TENM3: variants seen among roughly 807,000 people sequenced by gnomAD.
TENM3 encodes the protein teneurin-3.
A neutral mutation model predicts 255.1 loss-of-function variants in TENM3; 63 were observed. The ratio of observed to expected loss-of-function variants is 0.25; its 90% CI spans 0.20 to 0.30. The LOEUF is 0.30. TENM3 is among the 10% of genes least tolerant of loss of function. The pLI, the probability that TENM3 is intolerant of heterozygous loss-of-function variation, is 1.00. For synonymous variants in TENM3, 1,306 were observed against 1,322.3 expected (o/e 0.99, Z 0.27); for missense variants, 2,929 against 3,461.1 (o/e 0.85, Z 3.86).
chr4:182,541,965 A>C (rs533972607), intron 3 of TENM3, among the ~76,000 whole-genome samples: 59 of 152,286 alleles, frequency 3.9e-4, no homozygotes, highest in Middle Eastern at 3.4e-3. Context: ...TGGAAGGCCA[A>C]GGTGGGAGGA....
Position 182,799,787 on chromosome 4 carries a change from C to A in TENM3, c.7536C>A (p.Asn2512Lys). ...TCAGCCAGGGCCGCGTGCAGACCAA[C>A]GTGCTCAACATCGCCAACGAGGACT... ...LAVSQGRVQTNVLNIANEDCI... is the reference protein window; with the variant it reads ...LAVSQGRVQTKVLNIANEDCI... Residue 2512 changes from asparagine (N) to lysine (K), a missense_variant, in exon 28 of 28, where the codon AAC (asparagine) becomes AAA (lysine). Physicochemically the swap from Asn to Lys is moderately conservative, Grantham distance 94. Coordinates refer to ENST00000511685, the MANE Select transcript of TENM3 (RefSeq NM_001080477.4). The surrounding 1 kb of genome is among the most constrained non-coding windows in gnomAD (Gnocchi z 4.2). 2 of 1,600,244 alleles carry A rather than the reference C, an allele frequency of 1.2e-6. No individual in the cohort carries two copies. The highest frequency in any genetic ancestry group is 1.7e-6 in the Non-Finnish European group (2 of 1,173,956).
At chr4:182,373,235 G>T (rs907431898) in intron 3 of TENM3, among the ~76,000 whole-genome samples, 2 of 152,184 alleles carry the variant, frequency 1.3e-5, no homozygotes, top group East Asian at 1.9e-4. Context: ...GCTGGTTATG[G>T]AGAGTGCATG....
chr4:181,922,806 A>C, the TENM3 span, among the ~76,000 whole-genome samples: 65 of 150,798 alleles, frequency 4.3e-4, 1 homozygote, highest in South Asian at 0.012. Flanking sequence ...TTGCTTTTCT[A>C]GTTCTTTTAA....
the TENM3 span, among the ~76,000 whole-genome samples, chr4:181,526,927 A>G: frequency 6.6e-6 from 1 of 152,100 alleles, no homozygotes; most frequent in Non-Finnish European, 1.5e-5. Context: ...GTGTCCTTAT[A>G]GTTCAGTTAG....
At chr4:182,126,189 A>C in the TENM3 span, among the ~76,000 whole-genome samples, 1 of 152,114 alleles carries the variant, frequency 6.6e-6, no homozygotes, top group Non-Finnish European at 1.5e-5. Flanking sequence ...TCGAGACATG[A>C]CTCATTCCAT....
chr4:181,468,137 A>C, the TENM3 span, among the ~76,000 whole-genome samples: 1 of 151,722 alleles, frequency 6.6e-6, no homozygotes, highest in Non-Finnish European at 1.5e-5. Flanking sequence ...CTGTACAAAA[A>C]AAAAAAAAAA....
the TENM3 span, among the ~76,000 whole-genome samples, chr4:181,514,883 A>G: frequency 6.6e-6 from 1 of 152,220 alleles, no homozygotes; most frequent in Non-Finnish European, 1.5e-5. Flanking sequence ...GGCATTTCCC[A>G]TATATTACAG....
intron 1 of TENM3, among the ~76,000 whole-genome samples, chr4:182,225,619 G>A (rs1054609894): frequency 6.6e-6 from 1 of 152,164 alleles, no homozygotes; most frequent in African/African-American, 2.4e-5. Context: ...TGAGGCCCAC[G>A]GGAGGAGCCT....
At chr4:181,544,763 C>T in the TENM3 span, among the ~76,000 whole-genome samples, 1 of 152,150 alleles carries the variant, frequency 6.6e-6, no homozygotes, top group Non-Finnish European at 1.5e-5. Flanking sequence ...CTACAGTGTT[C>T]ATAAACTATG....
At chr4:181,824,353 G>A in the TENM3 span, among the ~76,000 whole-genome samples, 8 of 151,706 alleles carry the variant, frequency 5.3e-5, no homozygotes, top group Admixed American at 3.3e-4. Flanking sequence ...CACCTGCCTC[G>A]GCCTCCCAAA....
the TENM3 span, among the ~76,000 whole-genome samples, chr4:181,794,731 A>G: frequency 6.9e-6 from 1 of 144,532 alleles, no homozygotes; most frequent in African/African-American, 2.6e-5. Context: ...ATTATGTAGT[A>G]TTTTGAAGAA....
At chr4:181,499,149 C>T in the TENM3 span, among the ~76,000 whole-genome samples, 4 of 152,148 alleles carry the variant, frequency 2.6e-5, no homozygotes, top group East Asian at 3.9e-4. Flanking sequence ...ATGACCACTT[C>T]TAACTCCATG....
the TENM3 span, among the ~76,000 whole-genome samples, chr4:182,098,310 T>C: frequency 6.6e-6 from 1 of 152,182 alleles, no homozygotes; most frequent in Non-Finnish European, 1.5e-5. Flanking sequence ...AATTACCCTA[T>C]GATCCAGCAA....
the TENM3 span, among the ~76,000 whole-genome samples, chr4:181,692,605 A>T: frequency 9.2e-5 from 14 of 152,196 alleles, no homozygotes; most frequent in African/African-American, 3.4e-4. Flanking sequence ...CATTAATTGT[A>T]AAAATCTGTG....
the TENM3 span, among the ~76,000 whole-genome samples, chr4:181,597,076 T>TA: frequency 2.0e-5 from 3 of 151,584 alleles, no homozygotes; most frequent in East Asian, 1.9e-4. Context: ...AAATGAAAGT[T>TA]AAAAAAAAAC....
intron 13 of TENM3, among the ~76,000 whole-genome samples, chr4:182,716,382 A>T (rs1302207868): frequency 6.6e-6 from 1 of 152,096 alleles, no homozygotes; most frequent in Non-Finnish European, 1.5e-5. Flanking sequence ...AATTGGCCTC[A>T]TTCCCCTTTG....
chr4:182,599,588 T>C (rs1747631440), intron 3 of TENM3, among the ~76,000 whole-genome samples: 1 of 152,210 alleles, frequency 6.6e-6, no homozygotes, highest in South Asian at 2.1e-4. Flanking sequence ...TGAGAGGAGT[T>C]ATTTTTATCA....
the TENM3 span, among the ~76,000 whole-genome samples, chr4:181,503,033 G>A: frequency 6.6e-6 from 1 of 152,102 alleles, no homozygotes; most frequent in East Asian, 1.9e-4. Context: ...TTAAAAATGG[G>A]AAGACACTTT....
At chr4:182,263,458 G>T (rs572936406) in intron 1 of TENM3, among the ~76,000 whole-genome samples, 1 of 152,090 alleles carries the variant, frequency 6.6e-6, no homozygotes, top group East Asian at 1.9e-4. Flanking sequence ...TATAAAGTCC[G>T]CCTCTGCTAA....
Sources: allele counts gnomAD v4.1 joint callset (sites outside exome capture counted in the v4.1 genomes callset), GRCh38; gene constraint gnomAD v4.1.1; non-coding constraint Gnocchi (gnomAD v3.1); transcripts MANE v1.5; gene names NCBI Gene and HGNC (gene_info 2026-07-23, HGNC 2026-07-21).